The following DMD variants were observed in gnomAD, a reference collection of about 807,000 sequenced individuals.
DMD encodes mutant dystrophin.
In DMD, 63 loss-of-function variants were observed where a neutral mutation model predicts 330.1. That is an observed-to-expected ratio of 0.19 (90% CI 0.16 to 0.24). The LOEUF is 0.24. Among genes scored for constraint, DMD ranks in the 10% least tolerant of loss-of-function variants. The probability of loss-of-function intolerance (pLI) is 1.00; values close to 1 mark genes in which losing one functional copy is unlikely to be tolerated. For synonymous variants in DMD, 1,223 were observed against 959.8 expected, an observed-to-expected ratio of 1.27 and a Z score of -5.07; for missense variants, 3,344 against 2,684.1, an observed-to-expected ratio of 1.25 and a Z score of -5.43.
rs1426804102 is a variant in DMD, at chrX:32,803,148, T to C, written c.649+6345A>G. Among the ~76,000 whole-genome samples, 3 of 111,864 alleles carry C rather than the reference T, an allele frequency of 2.7e-5. No homozygotes were observed. The Admixed American group carries it at 2.8e-4, about 11-fold the overall frequency. On this transcript the variant is annotated intron_variant, in intron 7 of 78. Coordinates refer to ENST00000357033, the MANE Select transcript of DMD (RefSeq NM_004006.3). The stretch of plus-strand genomic sequence containing the variant: ...TAATTACTGCCTCAATTTCAGAACT[T>C]GTTATTGTTCTATTCAGGGATTTGA...
intron 7 of DMD, among the ~76,000 whole-genome samples, chrX:32,702,003 G>T (rs990540727): frequency 1.2e-4 from 13 of 111,394 alleles, no homozygotes; most frequent in African/African-American, 4.2e-4. Context: ...ACTGCCAGTA[G>T]GTAGAAATAA....
intron 2 of DMD, among the ~76,000 whole-genome samples, chrX:32,926,919 T>G (rs1178875734): frequency 9.0e-6 from 1 of 111,401 alleles, no homozygotes; most frequent in Non-Finnish European, 1.9e-5. Flanking sequence ...CTATTTAATT[T>G]AAATAAAATA....
chrX:32,404,229 C>A (rs1201975458), intron 30 of DMD, among the ~76,000 whole-genome samples: 2 of 111,603 alleles, frequency 1.8e-5, no homozygotes, highest in African/African-American at 6.5e-5. Flanking sequence ...GCTTTCTTTG[C>A]TTTAAAAATC....
intron 13 of DMD, among the ~76,000 whole-genome samples, chrX:32,582,256 T>C (rs1477999010): frequency 9.0e-6 from 1 of 111,477 alleles, no homozygotes; most frequent in African/African-American, 3.3e-5. Flanking sequence ...TATGTACATC[T>C]GAATAATACT....
At chrX:33,281,174 T>C (rs1013511412) in intron 1 of DMD, among the ~76,000 whole-genome samples, 2 of 110,005 alleles carry the variant, frequency 1.8e-5, no homozygotes, top group Non-Finnish European at 1.9e-5. Context: ...TATGTAAGAG[T>C]TTCATTTTCT....
chrX:32,068,374 A>ATTTTTTTTTTTTTTTTTTTTTT (rs749610367), intron 44 of DMD, among the ~76,000 whole-genome samples: 2 of 64,320 alleles, frequency 3.1e-5, no homozygotes, highest in East Asian at 5.3e-4. Flanking sequence ...CTTGCTTGTC[A>ATTTTTTTTTTTTTTTTTTTTTT]TTTTTTTTTT....
intron 12 of DMD, among the ~76,000 whole-genome samples, chrX:32,598,725 T>A (rs2055854684): frequency 8.9e-6 from 1 of 112,305 alleles, no homozygotes; most frequent in African/African-American, 3.2e-5. Context: ...GTTCTGATTT[T>A]GTTTCGTTCA....
In DMD at chrX:32,554,289, A is replaced by G. The variant is rs1393068454; in HGVS notation, c.1993-8955T>C. Reference sequence around the variant, plus strand: ...GAGCTGAACTGAAGGAGATAAAGACATGAAAAACCCTCCAAAAAACTAAAT... The same window carrying G: ...GAGCTGAACTGAAGGAGATAAAGACGTGAAAAACCCTCCAAAAAACTAAAT... On this transcript the variant is annotated intron_variant, in intron 16 of 78. Coordinates refer to ENST00000357033, the MANE Select transcript of DMD (RefSeq NM_004006.3). Among the ~76,000 whole-genome samples, 10 of 111,759 alleles carry G rather than the reference A, an allele frequency of 8.9e-5. No homozygotes were observed. In the South Asian group the frequency reaches 3.0e-3, roughly 33 times the overall value.
intron 2 of DMD, among the ~76,000 whole-genome samples, chrX:32,978,836 C>G (rs911733678): frequency 8.9e-6 from 1 of 112,009 alleles, no homozygotes; most frequent in Non-Finnish European, 1.9e-5. Flanking sequence ...CCAACTATTG[C>G]CATTCAAGTG....
At chrX:33,279,394 T>C (rs1569559447) in intron 1 of DMD, among the ~76,000 whole-genome samples, 1 of 110,749 alleles carries the variant, frequency 9.0e-6, no homozygotes, top group East Asian at 2.9e-4. Flanking sequence ...GTTTATCCAA[T>C]AGTTAATTCC....
At chrX:32,206,268 G>A (rs2097068516) in intron 44 of DMD, 9 of 526,445 alleles carry the variant, frequency 1.7e-5, no homozygotes, top group East Asian at 1.1e-4. Flanking sequence ...GTCAGAAGAC[G>A]AACAGGAGGA....
Position 31,875,595 on chromosome X carries a change from T to G in DMD, c.6913-222A>C, listed in dbSNP as rs12687513. ...TAACCTGCTACAAAAATTCTTTGCT[T>G]TAAAGAAACTAATACCTTTTTGGAA... On this transcript the variant is annotated intron_variant, in intron 47 of 78. Transcript: ENST00000357033. Among the ~76,000 whole-genome samples the G allele has an allele frequency of 1.9e-4, 21 of 112,241 alleles. No homozygotes were observed. In the East Asian group the frequency reaches 5.9e-3, roughly 31 times the overall value.
intron 60 of DMD, among the ~76,000 whole-genome samples, chrX:31,351,723 C>A (rs2058426105): frequency 4.4e-5 from 1 of 22,564 alleles, no homozygotes; most frequent in Non-Finnish European, 7.5e-5. Context: ...AAGACTCCAT[C>A]TCAAAAAAAA....
intron 62 of DMD, among the ~76,000 whole-genome samples, chrX:31,287,813 G>T (rs1274367454): frequency 9.0e-6 from 1 of 111,277 alleles, no homozygotes; most frequent in Non-Finnish European, 1.9e-5. Flanking sequence ...CTTCAATTAC[G>T]TGTACAGCAA....
intron 45 of DMD, among the ~76,000 whole-genome samples, chrX:31,941,778 A>G (rs2095006790): frequency 9.0e-6 from 1 of 111,115 alleles, no homozygotes; most frequent in Non-Finnish European, 1.9e-5. Context: ...TTAGCTTCTA[A>G]CTATCTTCGG....
At chrX:33,160,732 T>C (rs2048730646) in intron 1 of DMD, among the ~76,000 whole-genome samples, 1 of 111,547 alleles carries the variant, frequency 9.0e-6, no homozygotes, top group African/African-American at 3.3e-5. Flanking sequence ...TCTCAAAGGG[T>C]GTTGAGTAGA....
intron 1 of DMD, among the ~76,000 whole-genome samples, chrX:33,084,079 A>G (rs1317405198): frequency 8.9e-6 from 1 of 112,262 alleles, no homozygotes; most frequent in African/African-American, 3.2e-5. Context: ...ACATCTCCCC[A>G]TGACTATTTT....
At chrX:31,569,833 TA>T (rs2147932745) in intron 55 of DMD, among the ~76,000 whole-genome samples, 1 of 109,017 alleles carries the variant, frequency 9.2e-6, no homozygotes, top group East Asian at 2.9e-4. Flanking sequence ...TAGCCTTATA[TA>T]AAATACAGAC....
At chrX:31,469,726 G>C (rs1391645459) in intron 59 of DMD, among the ~76,000 whole-genome samples, 1 of 111,690 alleles carries the variant, frequency 9.0e-6, no homozygotes, top group African/African-American at 3.3e-5. Flanking sequence ...GTCTTGCTAG[G>C]TTGGGGAAGT....
Sources: allele counts gnomAD v4.1 joint callset (sites outside exome capture counted in the v4.1 genomes callset), GRCh38; gene constraint gnomAD v4.1.1; transcripts MANE v1.5; gene names NCBI Gene and HGNC (gene_info 2026-07-23, HGNC 2026-07-21).